The following ZNF592 variants were observed in gnomAD, a reference collection of about 807,000 sequenced individuals.
The protein encoded by ZNF592 is zinc finger protein 592.
Under a neutral mutation model 80.3 loss-of-function variants are expected in ZNF592, and 11 were observed. The ratio of observed to expected loss-of-function variants is 0.14; its 90% CI spans 0.09 to 0.23. The LOEUF is 0.23. Among genes scored for constraint, ZNF592 ranks in the 10% least tolerant of loss-of-function variants. The pLI is 1.00. For missense variants in ZNF592, 1,420 were observed against 1,633.9 expected (o/e 0.87, Z 2.26); for synonymous variants, 646 against 640.3 (o/e 1.01, Z -0.13).
Position 84,784,093 on chromosome 15 carries a change from C to A in ZNF592, c.1418C>A (p.Ala473Asp). ...CSSGPRVPKG[A>D]APGSQTGKKQ... ...TCTGGGCCCCGGGTCCCAAAGGGGGCTGCCCCAGGCTCACAGACAGGCAAG... is the reference window on the plus strand; with the variant it reads ...TCTGGGCCCCGGGTCCCAAAGGGGGATGCCCCAGGCTCACAGACAGGCAAG... The change falls in exon 4 of 11, where the codon GCT becomes GAT. Residue 473 changes from alanine (A) to aspartate (D), a missense_variant. Ala to Asp is a moderately radical substitution (Grantham distance 126). Transcript: ENST00000560079. This position sits in a 1 kb window ranked among gnomAD's most constrained non-coding sequence, Gnocchi z 5.8. 6.2e-7 allele frequency: 1 copy of A among 1,614,124 alleles called. No individual in the cohort carries two copies. Among genetic ancestry groups the A allele is most frequent in the Non-Finnish European group, 8.5e-7 (1 of 1,180,010 alleles).
chr15:84,750,196 G>A (rs1898975344), intron 1 of ZNF592, among the ~76,000 whole-genome samples: 1 of 152,202 alleles, frequency 6.6e-6, no homozygotes. Flanking sequence ...CCAGCTACTT[G>A]GGAGGCTGAG....
At chr15:84,789,935 G>A (rs1204036982) in intron 4 of ZNF592, among the ~76,000 whole-genome samples, 3 of 152,216 alleles carry the variant, frequency 2.0e-5, no homozygotes, top group Non-Finnish European at 4.4e-5. Flanking sequence ...GCTTGTCAGA[G>A]CTCTGCCCAT....
At chr15:84,781,313 G>T (rs2141983653) in intron 3 of ZNF592, among the ~76,000 whole-genome samples, 1 of 151,954 alleles carries the variant, frequency 6.6e-6, no homozygotes, top group South Asian at 2.1e-4. Flanking sequence ...CTTCCAAAGT[G>T]CTGGGATTAT....
chr15:84,760,545 G>GTGGTGTCCACTC (rs1400298890), intron 1 of ZNF592, among the ~76,000 whole-genome samples: 3 of 152,188 alleles, frequency 2.0e-5, no homozygotes, highest in Non-Finnish European at 4.4e-5. Flanking sequence ...GGTGTCCACT[G>GTGGTGTCCACTC]TGGTATCCAC....
At chr15:84,791,097 A>G (rs1962734261) in intron 5 of ZNF592, among the ~76,000 whole-genome samples, 1 of 152,262 alleles carries the variant, frequency 6.6e-6, no homozygotes, top group Non-Finnish European at 1.5e-5. Flanking sequence ...AAACTTAAAT[A>G]TTAGAAAATT....
At chr15:84,751,208 C>T (rs1023971300) in intron 1 of ZNF592, among the ~76,000 whole-genome samples, 2 of 152,224 alleles carry the variant, frequency 1.3e-5, no homozygotes, top group Non-Finnish European at 1.5e-5. Context: ...ATTTTAAAGA[C>T]TTCTGCATAC....
Position 84,798,171 on chromosome 15 carries a change from A to G in ZNF592, c.2576+126A>G. On this transcript the variant is annotated intron_variant, in intron 6 of 10. Transcript: ENST00000560079. The surrounding 1 kb of genome is among the most constrained non-coding windows in gnomAD (Gnocchi z 4.5). Reference sequence around the variant, plus strand: ...TGGCAGAGGTGCCTGGGGTCGTACTAAGGATGTCCTGAGGCAGGGGAGCAT... The same window carrying G: ...TGGCAGAGGTGCCTGGGGTCGTACTGAGGATGTCCTGAGGCAGGGGAGCAT... 1.3e-6 allele frequency: 2 copies of G among 1,560,674 alleles called. 1 individual carries two copies. Among genetic ancestry groups the G allele is most frequent in the South Asian group, 2.2e-5 (2 of 89,382 alleles).
At chr15:84,750,812 G>A (rs1238241982) in intron 1 of ZNF592, among the ~76,000 whole-genome samples, 2 of 152,150 alleles carry the variant, frequency 1.3e-5, no homozygotes, top group Non-Finnish European at 2.9e-5. Context: ...AGAGGCCTGT[G>A]GGGCTGGAGG....
rs764478477 is a variant in ZNF592, at chr15:84,798,054, A to C, written c.2576+9A>C. The stretch of plus-strand genomic sequence containing the variant: ...CCCCACAGACCCTCCCAGTGAGTGC[A>C]GCTCCAGGGCCAGCAGGCCCTGTGG... On this transcript the variant is annotated intron_variant, in intron 6 of 10. Coordinates refer to ENST00000560079, the MANE Select transcript of ZNF592 (RefSeq NM_014630.3). This position sits in a 1 kb window ranked among gnomAD's most constrained non-coding sequence, Gnocchi z 4.5. 6.2e-7 allele frequency: 1 copy of C among 1,613,568 alleles called. No homozygotes were observed. The highest frequency in any genetic ancestry group is 1.1e-5 in the South Asian group (1 of 91,066).
Position 84,798,051 on chromosome 15 carries a change from T to G in ZNF592, c.2576+6T>G, listed in dbSNP as rs1285940309. On this transcript the variant is annotated splice_donor_region_variant and intron_variant, in intron 6 of 10. Transcript: ENST00000560079. The surrounding 1 kb of genome is among the most constrained non-coding windows in gnomAD (Gnocchi z 4.5). ...CAGCCCCACAGACCCTCCCAGTGAG[T>G]GCAGCTCCAGGGCCAGCAGGCCCTG... The G allele has an allele frequency of 6.2e-7, 1 of 1,613,468 alleles. No individual in the cohort carries two copies. Among genetic ancestry groups the G allele is most frequent in the Admixed American group, 1.7e-5 (1 of 60,000 alleles).
chr15:84,792,067 T>C lies in ZNF592; in HGVS notation c.2399+1184T>C, dbSNP rs547513821. On this transcript the variant is annotated intron_variant, in intron 5 of 10. Coordinates refer to ENST00000560079, the MANE Select transcript of ZNF592 (RefSeq NM_014630.3). ...GATCATTCTGGGAAGCGAACACATA[T>C]ATTAGTGAGGAGAGAGACTGAAGAC... Among the ~76,000 whole-genome samples the C allele has an allele frequency of 7.9e-4, 119 of 151,566 alleles. 1 individual carries two copies. Among genetic ancestry groups the C allele is most frequent in the Admixed American group, 2.6e-3 (39 of 15,196 alleles).
At chr15:84,755,665 C>G (rs747674886) in intron 1 of ZNF592, among the ~76,000 whole-genome samples, 1 of 152,170 alleles carries the variant, frequency 6.6e-6, no homozygotes, top group Non-Finnish European at 1.5e-5. Context: ...TATACAGACA[C>G]ATATATCATC....
chr15:84,796,295 A>ATATATATATATATAT (rs1567076451), intron 5 of ZNF592, among the ~76,000 whole-genome samples: 4 of 45,526 alleles, frequency 8.8e-5, no homozygotes, highest in East Asian at 9.5e-4. Flanking sequence ...ATATATATAT[A>ATATATATATATATAT]AAAAAACGAA....
chr15:84,782,910 T>C lies in ZNF592; in HGVS notation c.235T>C (p.Phe79Leu). 6.2e-7 allele frequency: 1 copy of C among 1,614,164 alleles called. No homozygotes were observed. Among genetic ancestry groups the C allele is most frequent in the Non-Finnish European group, 8.5e-7 (1 of 1,180,026 alleles). Residue 79 changes from phenylalanine (F) to leucine (L), a missense_variant, in exon 4 of 11, where the codon TTT becomes CTT. Physicochemically the swap from Phe to Leu is conservative, Grantham distance 22 (BLOSUM62 0). Coordinates refer to ENST00000560079, the MANE Select transcript of ZNF592 (RefSeq NM_014630.3). ...IVKNTSRQES[F>L]EAEKDHITPS... ...CAAGAACACCAGCCGCCAGGAGTCA[T>C]TTGAAGCGGAGAAAGACCACATTAC... is the stretch of plus-strand genomic sequence containing the variant.
chr15:84,780,001 T>G (rs1440880706), intron 3 of ZNF592, among the ~76,000 whole-genome samples: 1 of 151,072 alleles, frequency 6.6e-6, no homozygotes, highest in Non-Finnish European at 1.5e-5. Context: ...TTTTTTTTTT[T>G]TTTGAGTTGG....
intron 1 of ZNF592, among the ~76,000 whole-genome samples, chr15:84,759,009 C>T (rs1254341494): frequency 1.3e-5 from 2 of 152,156 alleles, no homozygotes; most frequent in African/African-American, 4.8e-5. Flanking sequence ...ACAGTAGATA[C>T]CTACCTTAAA....
At chr15:84,780,711 G>A (rs545419867) in intron 3 of ZNF592, among the ~76,000 whole-genome samples, 3 of 152,246 alleles carry the variant, frequency 2.0e-5, no homozygotes, top group Non-Finnish European at 4.4e-5. Context: ...TTGATCCCAC[G>A]GGGTGGTAAG....
chr15:84,782,560 G>A (rs561896495), intron 3 of ZNF592, 97 bp from the exon 4 acceptor site: 5 of 1,138,550 alleles, frequency 4.4e-6, no homozygotes, highest in South Asian at 3.7e-5. Flanking sequence ...CTGCATGGGT[G>A]TGCTGGCTGT....
chr15:84,756,330 C>A (rs1038264915), intron 1 of ZNF592, among the ~76,000 whole-genome samples: 3 of 152,210 alleles, frequency 2.0e-5, no homozygotes, highest in Non-Finnish European at 2.9e-5. Context: ...GCTTTTATTC[C>A]CCTGGTTTGC....
Sources: gnomAD v4.1 joint callset for allele counts (sites outside exome capture counted in the v4.1 genomes callset) on GRCh38, gnomAD v4.1.1 for gene constraint, Gnocchi (gnomAD v3.1) non-coding constraint, MANE v1.5 for transcripts, NCBI Gene and HGNC (gene_info 2026-07-23, HGNC 2026-07-21) for gene names.